ZWILCH: variants seen among roughly 807,000 people sequenced by gnomAD.
ZWILCH encodes protein zwilch homolog.
A neutral mutation model predicts 79.9 loss-of-function variants in ZWILCH; 74 were observed. The ratio of observed to expected loss-of-function variants is 0.93; its 90% CI spans 0.77 to 1.12. The LOEUF (loss-of-function observed/expected upper bound fraction) is 1.12, where lower values mean the gene tolerates loss of function less well. Among genes scored for constraint, ZWILCH ranks in the 50% most tolerant of loss-of-function variants. ZWILCH has a pLI of 0.00. For missense variants in ZWILCH, 694 were observed against 687.5 expected, an observed-to-expected ratio of 1.01 and a Z score of -0.11; for synonymous variants, 241 against 228.2, an observed-to-expected ratio of 1.06 and a Z score of -0.51.
At chr15:66,535,069 T>G (rs1252290700) in intron 14 of ZWILCH, among the ~76,000 whole-genome samples, 1 of 152,176 alleles carries the variant, frequency 6.6e-6, no homozygotes, top group East Asian at 1.9e-4. Flanking sequence ...TTTAAATTTG[T>G]TTGTTAAAAA....
At chr15:66,509,829 A>G (rs1893975068) in intron 2 of ZWILCH, among the ~76,000 whole-genome samples, 1 of 5,946 alleles carries the variant, frequency 1.7e-4, no homozygotes. Flanking sequence ...CTACATATAT[A>G]TATATATATA....
chr15:66,527,761 C>T, intron 9 of ZWILCH, 96 bp from the exon 10 acceptor site: 1 of 1,059,400 alleles, frequency 9.4e-7, no homozygotes, highest in Non-Finnish European at 1.4e-6. Context: ...AGTTAGACTT[C>T]TACTGTCCCC....
intron 12 of ZWILCH, among the ~76,000 whole-genome samples, chr15:66,529,900 T>G (rs1300645813): frequency 6.6e-6 from 1 of 152,250 alleles, no homozygotes; most frequent in African/African-American, 2.4e-5. Flanking sequence ...AGTATTCTCA[T>G]ATACTACTGA....
intron 15 of ZWILCH, 99 bp downstream of exon 15, chr15:66,536,168 C>A: frequency 9.7e-7 from 1 of 1,030,380 alleles, no homozygotes; most frequent in Non-Finnish European, 1.4e-6. Flanking sequence ...TAGGATAGAA[C>A]CTCTTCATCC....
chr15:66,514,661 C>G (rs1894190542), intron 3 of ZWILCH: 1 of 152,574 alleles, frequency 6.6e-6, no homozygotes, highest in Non-Finnish European at 1.5e-5. Context: ...TATGTAGATT[C>G]TTGCAGTCAC....
chr15:66,511,408 G>T (rs1894058566), intron 2 of ZWILCH, among the ~76,000 whole-genome samples: 1 of 151,386 alleles, frequency 6.6e-6, no homozygotes, highest in Admixed American at 6.6e-5. Flanking sequence ...CTGGAGGATT[G>T]CTTGAGTCTG....
At chr15:66,530,748 T>C (rs1894828273) in intron 12 of ZWILCH, among the ~76,000 whole-genome samples, 1 of 152,216 alleles carries the variant, frequency 6.6e-6, no homozygotes, top group Non-Finnish European at 1.5e-5. Context: ...TTAAAAAGAT[T>C]TTTAATAGGA....
chr15:66,536,950 A>G (rs1231595450), intron 15 of ZWILCH, among the ~76,000 whole-genome samples: 3 of 152,092 alleles, frequency 2.0e-5, no homozygotes, highest in Non-Finnish European at 2.9e-5. Context: ...ATTTTTTAAA[A>G]GTGAATGAGA....
At chr15:66,513,772 C>A (rs537668126) in intron 2 of ZWILCH, among the ~76,000 whole-genome samples, 1 of 151,966 alleles carries the variant, frequency 6.6e-6, no homozygotes, top group African/African-American at 2.4e-5. Flanking sequence ...GGAGTTTCAC[C>A]GTGTTAGCCA....
Position 66,521,108 on chromosome 15 carries a change from C to T in ZWILCH, c.650C>T (p.Thr217Ile), listed in dbSNP as rs140389510. ...TTTAAGTCCTCTGCCTTGGATGATA[C>T]AATCACAGCATCACAAACTGCGATC... ...ELFKSSALDD[T>I]ITASQTAIAL... The change falls in exon 7 of 19, where the codon ACA becomes ATA. Residue 217 changes from threonine to isoleucine, a missense_variant. By Grantham distance (89) the Thr-to-Ile change is moderately conservative. Transcript: ENST00000307897. The T allele has an allele frequency of 6.2e-7, 1 of 1,614,154 alleles. No individual in the cohort carries two copies. The highest frequency in any genetic ancestry group is 1.1e-5 in the South Asian group (1 of 91,084).
intron 17 of ZWILCH, among the ~76,000 whole-genome samples, chr15:66,544,263 AAAAAAG>A (rs1335534777): frequency 6.6e-6 from 1 of 151,994 alleles, no homozygotes; most frequent in Non-Finnish European, 1.5e-5. Context: ...ATCTCAAAAA[AAAAAAG>A]AAAAAAGAAA....
intron 4 of ZWILCH, among the ~76,000 whole-genome samples, chr15:66,516,372 T>C (rs1222870451): frequency 6.6e-6 from 1 of 152,206 alleles, no homozygotes; most frequent in South Asian, 2.1e-4. Context: ...AAAAAGTCCT[T>C]GTCTTCAGGG....
At chr15:66,546,039 G>A (rs1260194378) in intron 17 of ZWILCH, among the ~76,000 whole-genome samples, 1 of 152,172 alleles carries the variant, frequency 6.6e-6, no homozygotes, top group African/African-American at 2.4e-5. Context: ...AGGAGAAAAC[G>A]TGACCAGTGG....
chr15:66,505,664 C>T (rs1407490617), intron 1 of ZWILCH: 1 of 484,108 alleles, frequency 2.1e-6, no homozygotes, highest in African/African-American at 2.0e-5. Context: ...TGCTGATGGA[C>T]ACACTTGCCA....
At chr15:66,540,897 G>A (rs1277353785) in intron 17 of ZWILCH, among the ~76,000 whole-genome samples, 1 of 151,444 alleles carries the variant, frequency 6.6e-6, no homozygotes, top group Non-Finnish European at 1.5e-5. Context: ...AAAGTGCTAG[G>A]ATTACAGGTG....
At chr15:66,536,981 C>T (rs1895035329) in intron 15 of ZWILCH, among the ~76,000 whole-genome samples, 187 bp from the exon 16 acceptor site, 2 of 152,030 alleles carry the variant, frequency 1.3e-5, no homozygotes, top group South Asian at 4.1e-4. Context: ...AAGAAAAAAA[C>T]ATAACCTAAG....
intron 2 of ZWILCH, among the ~76,000 whole-genome samples, chr15:66,509,602 G>T (rs887572924): frequency 6.6e-6 from 1 of 151,908 alleles, no homozygotes; most frequent in Non-Finnish European, 1.5e-5. Context: ...AGTTTTTGAT[G>T]ATTATGAGAG....
At chr15:66,537,695 AAATAAT>A (rs571273573) in intron 16 of ZWILCH, among the ~76,000 whole-genome samples, 3 of 152,250 alleles carry the variant, frequency 2.0e-5, no homozygotes, top group East Asian at 3.9e-4. Context: ...CCGTCTCAAA[AAATAAT>A]AATAATAATG....
At chr15:66,538,672 T>A (rs958494369) in intron 16 of ZWILCH, among the ~76,000 whole-genome samples, 7 of 152,138 alleles carry the variant, frequency 4.6e-5, no homozygotes, top group Non-Finnish European at 7.4e-5. Flanking sequence ...TGAGCCACCA[T>A]GCTCGGTCTA....
Sources: gnomAD v4.1 joint callset for allele counts (sites outside exome capture counted in the v4.1 genomes callset) on GRCh38, gnomAD v4.1.1 for gene constraint, MANE v1.5 for transcripts, NCBI Gene and HGNC (gene_info 2026-07-23, HGNC 2026-07-21) for gene names.